The following IGFL2 variants were observed in gnomAD, a reference collection of about 807,000 sequenced individuals.
The protein encoded by IGFL2 is insulin growth factor-like family member 2.
IGFL2 carries 7 observed loss-of-function variants against 13.9 expected under a neutral mutation model. The observed-to-expected ratio is 0.51, with a 90% CI of 0.29 to 0.95. IGFL2 has a LOEUF of 0.95. IGFL2 is among the 40% of genes least tolerant of loss of function. The pLI is 0.08. For synonymous variants in IGFL2, 55 were observed against 55.8 expected (o/e 0.99, Z 0.07); for missense variants, 138 against 147.8 (o/e 0.93, Z 0.34).
At chr19:46,179,125 T>G in the IGFL2 span, among the ~76,000 whole-genome samples, 1 of 149,822 alleles carries the variant, frequency 6.7e-6, no homozygotes, top group African/African-American at 2.5e-5. Context: ...GGGGGGTCTG[T>G]GAGAGGCAGG....
chr19:46,120,499 C>A, the IGFL2 span: 2 of 1,239,164 alleles, frequency 1.6e-6, no homozygotes, highest in Non-Finnish European at 2.2e-6. Flanking sequence ...CAGAAGGACA[C>A]AGTCACCATG....
the IGFL2 span, among the ~76,000 whole-genome samples, chr19:46,116,275 G>A: frequency 6.6e-6 from 1 of 152,116 alleles, no homozygotes; most frequent in South Asian, 2.1e-4. Flanking sequence ...TTACAGAAAA[G>A]AGCTCTCGTT....
At chr19:46,080,878 G>T in the IGFL2 span, among the ~76,000 whole-genome samples, 1 of 152,242 alleles carries the variant, frequency 6.6e-6, no homozygotes, top group Non-Finnish European at 1.5e-5. Context: ...AGCAGTGCCT[G>T]CTGTGCTTTC....
chr19:46,161,826 G>A (rs1568435165), downstream of IGFL2, among the ~76,000 whole-genome samples: 5 of 152,146 alleles, frequency 3.3e-5, no homozygotes, highest in South Asian at 1.0e-3. Context: ...TTAAAGGTTA[G>A]TATTGATATA....
chr19:46,151,269 G>C (rs563851366), intron 1 of IGFL2, among the ~76,000 whole-genome samples: 242 of 152,300 alleles, frequency 1.6e-3, no homozygotes, highest in Non-Finnish European at 2.2e-3. Flanking sequence ...TAATCCTTGT[G>C]TATGGTATGA....
the IGFL2 span, among the ~76,000 whole-genome samples, chr19:46,185,062 GTACATGTCCTTTGCC>G: frequency 1.6e-3 from 246 of 152,306 alleles, 2 homozygotes; most frequent in Admixed American, 3.4e-3. Flanking sequence ...AGAAGTGTCT[GTACATGTCCTTTGCC>G]TACTTTTTGA....
At chr19:46,115,591 A>G in the IGFL2 span, among the ~76,000 whole-genome samples, 7 of 152,222 alleles carry the variant, frequency 4.6e-5, no homozygotes, top group East Asian at 7.7e-4. Context: ...AGCCTGATTC[A>G]GATTCACCTC....
the IGFL2 span, chr19:46,208,632 TG>T: frequency 1.4e-4 from 22 of 152,180 alleles, no homozygotes; most frequent in African/African-American, 5.3e-4. Flanking sequence ...GGTAGGTGAT[TG>T]GATCATGGGG....
At chr19:46,175,045 T>C in the IGFL2 span, among the ~76,000 whole-genome samples, 1 of 152,300 alleles carries the variant, frequency 6.6e-6, no homozygotes, top group South Asian at 2.1e-4. Context: ...AGTACAAGAA[T>C]GATAGAAGAG....
At chr19:46,115,707 TA>T in the IGFL2 span, among the ~76,000 whole-genome samples, 1 of 152,140 alleles carries the variant, frequency 6.6e-6, no homozygotes, top group Non-Finnish European at 1.5e-5. Context: ...TACAGAAAAT[TA>T]ATGTATGGGA....
intron 1 of IGFL2, among the ~76,000 whole-genome samples, chr19:46,153,225 G>A (rs78245954): frequency 0.015 from 2,266 of 152,272 alleles, 61 homozygotes; most frequent in African/African-American, 0.051. Context: ...AAAAGTTTGT[G>A]AATGATTGGT....
chr19:46,102,305 A>G, the IGFL2 span, among the ~76,000 whole-genome samples: 14 of 152,356 alleles, frequency 9.2e-5, 1 homozygote, highest in Admixed American at 8.5e-4. Context: ...GAGAGTCAGC[A>G]AAGGGTGGTG....
the IGFL2 span, chr19:46,137,294 C>T: frequency 4.2e-4 from 462 of 1,090,928 alleles, 4 homozygotes; most frequent in East Asian, 0.011. Flanking sequence ...ACACCACATG[C>T]AATATTATCT....
At chr19:46,137,354 C>T in the IGFL2 span, 2 of 1,137,970 alleles carry the variant, frequency 1.8e-6, no homozygotes, top group East Asian at 2.4e-5. Flanking sequence ...GTTGATGAAC[C>T]AGTTACAGAC....
chr19:46,136,184 C>T, the IGFL2 span, among the ~76,000 whole-genome samples: 6 of 152,102 alleles, frequency 3.9e-5, no homozygotes, highest in East Asian at 1.2e-3. Context: ...AATGTGTTTT[C>T]CAGGTTGCTT....
chr19:46,081,669 G>C, the IGFL2 span, among the ~76,000 whole-genome samples: 5 of 152,068 alleles, frequency 3.3e-5, no homozygotes, highest in African/African-American at 1.2e-4. Context: ...ACAAGGACAT[G>C]TGGTGCTTAC....
chr19:46,086,086 A>G, the IGFL2 span, among the ~76,000 whole-genome samples: 1 of 151,958 alleles, frequency 6.6e-6, no homozygotes, highest in African/African-American at 2.4e-5. Context: ...CTTCTGCTTG[A>G]TATGGTCTAT....
chr19:46,154,127 G>C (rs181622828), intron 1 of IGFL2, among the ~76,000 whole-genome samples: 32 of 152,122 alleles, frequency 2.1e-4, no homozygotes, highest in Middle Eastern at 3.4e-3. Context: ...TGAGGATGAT[G>C]GTTTCCAGCT....
the IGFL2 span, among the ~76,000 whole-genome samples, chr19:46,167,988 C>A: frequency 2.1e-3 from 321 of 152,286 alleles, no homozygotes; most frequent in African/African-American, 6.9e-3. Context: ...GTTATGGCAG[C>A]CTAAGTGTCC....
Sources: gnomAD v4.1 joint callset for allele counts (sites outside exome capture counted in the v4.1 genomes callset) on GRCh38, gnomAD v4.1.1 for gene constraint, MANE v1.5 for transcripts, NCBI Gene and HGNC (gene_info 2026-07-23, HGNC 2026-07-21) for gene names.